The following USP46 variants were observed in gnomAD, a reference collection of about 807,000 sequenced individuals.
The protein encoded by USP46 is ubiquitin specific peptidase 46, also known as ubiquitin carboxyl-terminal hydrolase 46.
A neutral mutation model predicts 44.4 loss-of-function variants in USP46; 12 were observed. The observed-to-expected ratio is 0.27, with a 90% CI of 0.17 to 0.44. The LOEUF is 0.44. Among genes scored for constraint, USP46 ranks in the 20% least tolerant of loss-of-function variants. The probability of loss-of-function intolerance (pLI) is 1.00; values close to 1 mark genes in which losing one functional copy is unlikely to be tolerated. For missense variants in USP46, 248 were observed against 444.8 expected, an observed-to-expected ratio of 0.56 and a Z score of 3.98; for synonymous variants, 155 against 161.5, an observed-to-expected ratio of 0.96 and a Z score of 0.31.
chr4:52,604,716 C>G (rs1307576424), intron 5 of USP46, 132 bp from the exon 6 acceptor site: 14 of 609,938 alleles, frequency 2.3e-5, no homozygotes, highest in Admixed American at 7.8e-5. Context: ...GAAAAAAATC[C>G]TACTTAAGAC....
intron 7 of USP46, 61 bp downstream of exon 7, chr4:52,601,796 C>T (rs1716483650): frequency 7.1e-6 from 11 of 1,543,660 alleles, no homozygotes; most frequent in Non-Finnish European, 9.6e-6. Flanking sequence ...GCTGGGTATA[C>T]TTCAGCGAAG....
chr4:52,599,537 T>A (rs1325793398), intron 7 of USP46, among the ~76,000 whole-genome samples: 1 of 152,124 alleles, frequency 6.6e-6, no homozygotes, highest in Non-Finnish European at 1.5e-5. Flanking sequence ...AGGAGTTGTA[T>A]GATCTATGCT....
intron 1 of USP46, among the ~76,000 whole-genome samples, chr4:52,643,426 T>C (rs1718424437): frequency 6.6e-6 from 1 of 152,230 alleles, no homozygotes; most frequent in Non-Finnish European, 1.5e-5. Context: ...CCATGATCAT[T>C]CATTTACTTA....
chr4:52,654,159 A>G (rs1269308856), intron 1 of USP46, among the ~76,000 whole-genome samples: 1 of 152,220 alleles, frequency 6.6e-6, no homozygotes, highest in Admixed American at 6.5e-5. Context: ...GGGGCCAGAA[A>G]AACAGAATTT....
chr4:52,638,821 T>G (rs542828944), intron 1 of USP46, among the ~76,000 whole-genome samples: 37 of 152,050 alleles, frequency 2.4e-4, no homozygotes, highest in African/African-American at 8.4e-4. Context: ...GCTGTCTGGG[T>G]AGCTTCCATG....
Position 52,616,337 on chromosome 4 carries a change from T to C in USP46, c.562-5720A>G, listed in dbSNP as rs138464068. Among the ~76,000 whole-genome samples the C allele has an allele frequency of 4.4e-3, 670 of 152,208 alleles. 3 individuals are homozygous for C. Among genetic ancestry groups the C allele is most frequent in the Non-Finnish European group, 8.3e-3 (567 of 67,982 alleles). On this transcript the variant is annotated intron_variant, in intron 4 of 8. Coordinates refer to ENST00000441222, the MANE Select transcript of USP46 (RefSeq NM_022832.4). Reference sequence around the variant, plus strand: ...CTAAGAGATCTTTCCTTTCCTTTCCTTTCCCTTCCCTTCCCTTCCCTTTTC... The same window carrying C: ...CTAAGAGATCTTTCCTTTCCTTTCCCTTCCCTTCCCTTCCCTTCCCTTTTC...
rs145845744 is a variant in USP46 at position 52,619,673 on chromosome 4, T to C, written c.561+6345A>G. ...GCAGGCTCTGTGTTTTCTTAGAAAG[T>C]ACAGGGCTTTCTAACAATTAGAGCT... On this transcript the variant is annotated intron_variant, in intron 4 of 8. Coordinates refer to ENST00000441222, the MANE Select transcript of USP46 (RefSeq NM_022832.4). Among the ~76,000 whole-genome samples the C allele has an allele frequency of 2.5e-3, 378 of 152,318 alleles. 1 individual carries two copies. The highest frequency in any genetic ancestry group is 8.1e-3 in the African/African-American group (338 of 41,576).
intron 1 of USP46, among the ~76,000 whole-genome samples, chr4:52,643,037 A>G (rs12502407): frequency 0.18 from 27,334 of 152,090 alleles, 3,027 homozygotes; most frequent in African/African-American, 0.33. Context: ...GGGAGAGGGT[A>G]GGGGAGGAGA....
chr4:52,647,095 G>C (rs1718573262), intron 1 of USP46, among the ~76,000 whole-genome samples: 1 of 152,184 alleles, frequency 6.6e-6, no homozygotes, highest in African/African-American at 2.4e-5. Flanking sequence ...TAGTCAGTGA[G>C]GGCCTGGTTC....
intron 1 of USP46, among the ~76,000 whole-genome samples, chr4:52,645,505 A>C (rs1718519882): frequency 1.3e-5 from 2 of 152,326 alleles, no homozygotes; most frequent in South Asian, 4.1e-4. Context: ...CCTGTTTTCT[A>C]GCTGCAGGTG....
At chr4:52,621,727 A>G (rs1717382822) in intron 4 of USP46, among the ~76,000 whole-genome samples, 1 of 152,092 alleles carries the variant, frequency 6.6e-6, no homozygotes, top group Non-Finnish European at 1.5e-5. Context: ...ATTTGGCACT[A>G]CCTAGGAAAT....
Position 52,632,017 on chromosome 4 carries a change from A to AGGGAAG in USP46, c.37-879_37-874dup, listed in dbSNP as rs142747239. Among the ~76,000 whole-genome samples the AGGGAAG allele has an allele frequency of 2.1e-3, 311 of 145,932 alleles. 4 individuals carry two copies. The South Asian group carries it at 0.023, about 11-fold the overall frequency. On this transcript the variant is annotated intron_variant, in intron 1 of 8. Transcript: ENST00000441222. ...GAGACTCCATTGGAAAGGGAAGGCA[A>AGGGAAG]GGGAAGGGGAAGGGGAAGGGGAAGG...
rs536993923 is a variant in USP46, at chr4:52,608,660, C to A, written c.638+1881G>T. ...CCCAATCCCGCACCCCTCCACCCCC[C>A]ACTCTCCCTCCATTCAATTACATCA... On this transcript the variant is annotated intron_variant, in intron 5 of 8. Coordinates refer to ENST00000441222, the MANE Select transcript of USP46 (RefSeq NM_022832.4). 5.3e-5 allele frequency among the ~76,000 whole-genome samples: 8 copies of A among 152,344 alleles called. No homozygotes were observed. In the South Asian group the frequency reaches 1.2e-3, roughly 24 times the overall value.
At chr4:52,609,566 T>C (rs1407630713) in intron 5 of USP46, among the ~76,000 whole-genome samples, 1 of 152,134 alleles carries the variant, frequency 6.6e-6, no homozygotes, top group Non-Finnish European at 1.5e-5. Context: ...CTCTGAGTGG[T>C]GAGTGGCAAC....
rs1207492262 is a variant in USP46, at chr4:52,591,077, G to A, written c.*6563C>T. On this transcript the variant is annotated 3_prime_UTR_variant, in exon 9 of 9. Coordinates refer to ENST00000441222, the MANE Select transcript of USP46 (RefSeq NM_022832.4). ...GTATCTTTCTAATCCCCTCAGAGTG[G>A]AAAACAGGTAATTCTCAACCTGGAG... 6.6e-6 allele frequency: 1 copy of A among 152,146 alleles called. No homozygotes were observed. The highest frequency in any genetic ancestry group is 1.5e-5 in the Non-Finnish European group (1 of 68,024). The allele number at this position is 152,146 out of a possible 1,614,324, so 9.4% of individuals were successfully genotyped here.
At chr4:52,614,694 T>C (rs533389536) in intron 4 of USP46, among the ~76,000 whole-genome samples, 1 of 152,194 alleles carries the variant, frequency 6.6e-6, no homozygotes, top group Non-Finnish European at 1.5e-5. Flanking sequence ...TCCTTAAGAA[T>C]AAAATGCATC....
chr4:52,622,921 C>G (rs1197071525), intron 4 of USP46, among the ~76,000 whole-genome samples: 1 of 152,160 alleles, frequency 6.6e-6, no homozygotes, highest in Admixed American at 6.5e-5. Context: ...CAAAGATGAC[C>G]CTGCAGAGAC....
At chr4:52,636,437 G>A (rs1435685623) in intron 1 of USP46, among the ~76,000 whole-genome samples, 1 of 152,124 alleles carries the variant, frequency 6.6e-6, no homozygotes, top group Non-Finnish European at 1.5e-5. Flanking sequence ...GCCAGGCGCG[G>A]TGGCTCACGT....
intron 2 of USP46, among the ~76,000 whole-genome samples, chr4:52,630,403 A>G (rs542437949): frequency 6.6e-6 from 1 of 152,258 alleles, no homozygotes; most frequent in Non-Finnish European, 1.5e-5. Context: ...GTACTGATGC[A>G]TACTTAAACA....
Sources: gnomAD v4.1 joint callset for allele counts (sites outside exome capture counted in the v4.1 genomes callset) on GRCh38, gnomAD v4.1.1 for gene constraint, MANE v1.5 for transcripts, NCBI Gene and HGNC (gene_info 2026-07-23, HGNC 2026-07-21) for gene names.